Variants in XPNPEP3 observed in about 807,000 individuals in gnomAD.
XPNPEP3 encodes the protein xaa-Pro aminopeptidase 3.
In XPNPEP3, 41 loss-of-function variants were observed where a neutral mutation model predicts 60.0. The ratio of observed to expected loss-of-function variants is 0.68; its 90% confidence interval spans 0.53 to 0.89. The LOEUF (loss-of-function observed/expected upper bound fraction) is 0.89. Ranked by LOEUF, XPNPEP3 falls within the 40% of genes least tolerant of loss-of-function variation. XPNPEP3 has a pLI of 0.00. For synonymous variants in XPNPEP3, 212 were observed against 223.2 expected, an observed-to-expected ratio of 0.95 and a Z score of 0.45; for missense variants, 598 against 638.9, an observed-to-expected ratio of 0.94 and a Z score of 0.69.
intron 4 of XPNPEP3, among the ~76,000 whole-genome samples, chr22:40,893,912 A>G (rs1000548167): frequency 1.3e-5 from 2 of 152,212 alleles, no homozygotes; most frequent in African/African-American, 4.8e-5. Flanking sequence ...CACTGCACCC[A>G]GCAGCTGTCC....
intron 1 of XPNPEP3, chr22:40,862,273 A>G (rs2057954848): frequency 8.0e-6 from 9 of 1,125,748 alleles, no homozygotes; most frequent in South Asian, 3.4e-5. Flanking sequence ...GTACCAGACC[A>G]TCCTGAATCC....
At chr22:40,862,847 A>G (rs1316559132) in intron 1 of XPNPEP3, 2 of 645,596 alleles carry the variant, frequency 3.1e-6, no homozygotes, top group Non-Finnish European at 3.8e-6. Context: ...GTATTGAACA[A>G]AAGACACCAG....
rs2058256475 is a variant in XPNPEP3, at chr22:40,932,034, A to T, written c.*5599A>T. 6.6e-6 allele frequency: 1 copy of T among 152,214 alleles called. No homozygotes were observed. Among genetic ancestry groups the T allele is most frequent in the South Asian group, 2.1e-4 (1 of 4,830 alleles). 9.4% of individuals were successfully genotyped at this position (152,214 alleles called of 1,614,324 possible). ...GTTCAGCTTTGTTAATAATACAGAGATCAGAAATGTGAAGCACAAATGCTG... is the reference window on the plus strand; with the variant it reads ...GTTCAGCTTTGTTAATAATACAGAGTTCAGAAATGTGAAGCACAAATGCTG... On this transcript the variant is annotated 3_prime_UTR_variant, in exon 10 of 10. Transcript: ENST00000357137.
At position 40,867,755 on chromosome 22, in the gene XPNPEP3, T is replaced by C. The variant is rs991472667; in HGVS notation, c.65-1244T>C. 4.2e-4 allele frequency among the ~76,000 whole-genome samples: 64 copies of C among 151,880 alleles called. 2 individuals carry two copies. The highest frequency in any genetic ancestry group is 3.3e-4 in the Admixed American group (5 of 15,244). On this transcript the variant is annotated intron_variant, in intron 1 of 9. Transcript: ENST00000357137. ...ATTGAAGGAGAGAAGGAAGGAAATA[T>C]TAGTTTGCATTTTTCTAAAGCATCC...
At chr22:40,925,233 T>A (rs2058230765) in intron 9 of XPNPEP3, among the ~76,000 whole-genome samples, 1 of 152,226 alleles carries the variant, frequency 6.6e-6, no homozygotes, top group African/African-American at 2.4e-5. Flanking sequence ...CAGAGAAAGC[T>A]AACAATCGGA....
intron 2 of XPNPEP3, among the ~76,000 whole-genome samples, chr22:40,879,248 G>A (rs2058038346): frequency 6.6e-6 from 1 of 152,104 alleles, no homozygotes; most frequent in South Asian, 2.1e-4. Flanking sequence ...ACATTGGCCC[G>A]TAAGGCCTCC....
At chr22:40,908,038 A>G (rs1231193415) in intron 5 of XPNPEP3, among the ~76,000 whole-genome samples, 1 of 152,034 alleles carries the variant, frequency 6.6e-6, no homozygotes, top group East Asian at 1.9e-4. Context: ...ACGTGGCAAA[A>G]CCCCATCTCT....
chr22:40,894,466 C>G lies in XPNPEP3; in HGVS notation c.792+7951C>G, dbSNP rs139533542. On this transcript the variant is annotated intron_variant, in intron 4 of 9. Transcript: ENST00000357137. The stretch of plus-strand genomic sequence containing the variant: ...GTGGTTACTGCAGTCAAGCAAATGC[C>G]TTTATATTAATTTGAATGCAAACCT... Among the ~76,000 whole-genome samples, 662 of 152,248 alleles carry G rather than the reference C, an allele frequency of 4.3e-3. 3 individuals are homozygous for G. The highest frequency in any genetic ancestry group is 0.015 in the African/African-American group (616 of 41,530).
intron 2 of XPNPEP3, among the ~76,000 whole-genome samples, chr22:40,870,896 G>A (rs2058002052): frequency 6.6e-6 from 1 of 151,980 alleles, no homozygotes; most frequent in African/African-American, 2.4e-5. Context: ...GGGTGTGGTG[G>A]CATATGCCTA....
rs756539209 is a variant in XPNPEP3, at chr22:40,924,418, T to C, written c.1293T>C (p.His431=). ...GCCACTACCTCGGGATGGATGTCCATGACACTCCAGACATGCCCCGTTCCC... is the reference window on the plus strand; with the variant it reads ...GCCACTACCTCGGGATGGATGTCCACGACACTCCAGACATGCCCCGTTCCC... ...HVGHYLGMDV[H]DTPDMPRSLP... The change falls in exon 9 of 10, where the codon CAT becomes CAC. Residue 431 remains histidine, a synonymous_variant. Transcript: ENST00000357137. 1.3e-5 allele frequency: 21 copies of C among 1,614,060 alleles called. No individual in the cohort carries two copies. Among genetic ancestry groups the C allele is most frequent in the Non-Finnish European group, 1.4e-5 (17 of 1,180,036 alleles).
At chr22:40,873,877 A>G (rs7284574) in intron 2 of XPNPEP3, among the ~76,000 whole-genome samples, 6,628 of 152,244 alleles carry the variant, frequency 0.044, 461 homozygotes, top group African/African-American at 0.15. Context: ...TAATATTTAA[A>G]ATGATGAAAT....
chr22:40,894,332 T>C (rs945176875), intron 4 of XPNPEP3, among the ~76,000 whole-genome samples: 7 of 152,210 alleles, frequency 4.6e-5, no homozygotes, highest in African/African-American at 1.4e-4. Context: ...CACTCATTTA[T>C]TGACTTCTTT....
chr22:40,919,157 C>G (rs915782249), intron 7 of XPNPEP3, among the ~76,000 whole-genome samples: 1 of 152,038 alleles, frequency 6.6e-6, no homozygotes, highest in African/African-American at 2.4e-5. Context: ...AGTACATTAA[C>G]TGAAACAGGA....
intron 2 of XPNPEP3, 99 bp downstream of exon 2, chr22:40,869,214 C>T (rs1341512770): frequency 9.2e-7 from 1 of 1,083,080 alleles, no homozygotes; most frequent in East Asian, 2.4e-5. Context: ...CTGTGCTGTT[C>T]CATAAGGTAG....
In XPNPEP3 at chr22:40,928,395, C is replaced by T. The variant is rs2058243190; in HGVS notation, c.*1960C>T. On this transcript the variant is annotated 3_prime_UTR_variant, in exon 10 of 10. Coordinates refer to ENST00000357137, the MANE Select transcript of XPNPEP3 (RefSeq NM_022098.4). The stretch of plus-strand genomic sequence containing the variant: ...CTAATTTTTTGTATTTTAGTAGAGA[C>T]AGGGTTTCACCCTGTTGCCCAGGCC... 1 of 152,132 alleles carries T rather than the reference C, an allele frequency of 6.6e-6. No individual in the cohort carries two copies. The highest frequency in any genetic ancestry group is 2.4e-5 in the African/African-American group (1 of 41,436). The allele number at this position is 152,132 out of a possible 1,614,324, so 9.4% of individuals were successfully genotyped here. A position where few individuals can be genotyped will look rare whatever the true frequency, so the allele number is the denominator to read the frequency against.
chr22:40,903,809 TAAGG>T (rs1430871241), intron 4 of XPNPEP3, among the ~76,000 whole-genome samples: 5 of 151,164 alleles, frequency 3.3e-5, no homozygotes, highest in Non-Finnish European at 4.4e-5. Context: ...ATTTTTAAAA[TAAGG>T]AAGCTAAGAA....
intron 4 of XPNPEP3, among the ~76,000 whole-genome samples, chr22:40,904,802 G>A (rs1042829079): frequency 2.0e-5 from 3 of 151,962 alleles, no homozygotes; most frequent in Non-Finnish European, 4.4e-5. Flanking sequence ...TCTTGCCGTG[G>A]TACCCAGGCT....
intron 1 of XPNPEP3, among the ~76,000 whole-genome samples, chr22:40,859,056 C>T (rs2057924993): frequency 6.6e-6 from 1 of 152,072 alleles, no homozygotes; most frequent in Non-Finnish European, 1.5e-5. Context: ...GCACCCAGCC[C>T]TTAATAGTCT....
At position 40,923,226 on chromosome 22, in the gene XPNPEP3, A is replaced by AG. The variant is rs1447928894; in HGVS notation, c.1236+713_1236+714insG. Among the ~76,000 whole-genome samples the AG allele has an allele frequency of 4.8e-4, 73 of 151,952 alleles. 1 individual carries two copies. Among genetic ancestry groups the AG allele is most frequent in the Admixed American group, 3.9e-3 (59 of 15,262 alleles). ...AGGCCCTGTGTCTAAAAAAAAAAAA[A>AG]AGAGAGAGAGATTAACTTTTAATCC... is the stretch of plus-strand genomic sequence containing the variant. On this transcript the variant is annotated intron_variant, in intron 8 of 9. Coordinates refer to ENST00000357137, the MANE Select transcript of XPNPEP3 (RefSeq NM_022098.4).
Sources: gnomAD v4.1 joint callset for allele counts (sites outside exome capture counted in the v4.1 genomes callset) on GRCh38, gnomAD v4.1.1 for gene constraint, MANE v1.5 for transcripts, NCBI Gene and HGNC (gene_info 2026-07-23, HGNC 2026-07-21) for gene names.